SYT11: variants seen among roughly 807,000 people sequenced by gnomAD.
The protein encoded by SYT11 is synaptotagmin-11.
SYT11 carries 12 observed loss-of-function variants against 30.4 expected under a neutral mutation model. The ratio of observed to expected loss-of-function variants is 0.39; its 90% CI spans 0.25 to 0.64. The LOEUF is 0.64. Among genes scored for constraint, SYT11 ranks in the 30% least tolerant of loss-of-function variants. SYT11 has a pLI of 0.45. For synonymous variants in SYT11, 204 were observed against 216.0 expected, an observed-to-expected ratio of 0.94 and a Z score of 0.49; for missense variants, 412 against 552.0, an observed-to-expected ratio of 0.75 and a Z score of 2.54.
In SYT11 at chr1:155,868,149, G is replaced by C. The variant is rs1457648002; in HGVS notation, c.219G>C (p.Lys73Asn). ...SIYPETLSNK[K>N]KIIKVRRDKD... ...ACCCAGAGACCCTCAGCAACAAGAA[G>C]AAAATCATCAAAGTGCGGAGAGACA... The change falls in exon 2 of 4, where the codon AAG becomes AAC. Residue 73 changes from lysine (K) to asparagine (N), a missense_variant. Lys to Asn is a moderately conservative substitution (Grantham distance 94). Transcript: ENST00000368324. The surrounding 1 kb of genome is among the most constrained non-coding windows in gnomAD (Gnocchi z 4.7). The C allele has an allele frequency of 6.2e-7, 1 of 1,614,154 alleles. No individual in the cohort carries two copies. Among genetic ancestry groups the C allele is most frequent in the Admixed American group, 1.7e-5 (1 of 60,008 alleles).
At chr1:155,870,813 C>T (rs551808894) in intron 2 of SYT11, among the ~76,000 whole-genome samples, 190 of 152,288 alleles carry the variant, frequency 1.2e-3, no homozygotes, top group African/African-American at 4.4e-3. Context: ...GCACCTGTCC[C>T]CCTGCAGCCA....
rs1349909281 is a variant in SYT11 at position 155,880,485 on chromosome 1, A to AT, written c.862-9dup. 1.2e-6 allele frequency: 2 copies of AT among 1,613,034 alleles called. No homozygotes were observed. Among genetic ancestry groups the AT allele is most frequent in the South Asian group, 2.2e-5 (2 of 91,012 alleles). On this transcript the variant is annotated splice_polypyrimidine_tract_variant and intron_variant, in intron 2 of 3. Coordinates refer to ENST00000368324, the MANE Select transcript of SYT11 (RefSeq NM_152280.5). ...CCCTCTGCCAGGATTCTCACCTGCC[A>AT]TTTTTTCCTCACAGAAGTGCATCAG...
chr1:155,874,817 G>A (rs1672836019), intron 2 of SYT11, among the ~76,000 whole-genome samples: 1 of 148,336 alleles, frequency 6.7e-6, no homozygotes. Context: ...CTGAACCCGG[G>A]AGGCAGAGGT....
chr1:155,871,489 C>T (rs550155574), intron 2 of SYT11, among the ~76,000 whole-genome samples: 1 of 152,324 alleles, frequency 6.6e-6, no homozygotes, highest in East Asian at 1.9e-4. Context: ...TAGAACATGG[C>T]TCTGTGCCAA....
chr1:155,876,269 G>A (rs1300910650), intron 2 of SYT11, among the ~76,000 whole-genome samples: 3 of 120,368 alleles, frequency 2.5e-5, no homozygotes, highest in Non-Finnish European at 3.3e-5. Flanking sequence ...CTTTTGAGAC[G>A]GAGTCTCGCT....
intron 2 of SYT11, among the ~76,000 whole-genome samples, chr1:155,879,772 C>T (rs993743624): frequency 6.6e-5 from 10 of 152,234 alleles, no homozygotes; most frequent in African/African-American, 2.2e-4. Flanking sequence ...GGCACCATTG[C>T]AGTTTACAAA....
chr1:155,881,143 A>G (rs1672953172), intron 3 of SYT11, 55 bp from the exon 4 acceptor site: 7 of 1,544,918 alleles, frequency 4.5e-6, no homozygotes, highest in Admixed American at 3.8e-5. Flanking sequence ...ATTACATAGG[A>G]GAGGACTGTG....
chr1:155,869,232 C>T (rs1486240636), intron 2 of SYT11, among the ~76,000 whole-genome samples: 1 of 151,016 alleles, frequency 6.6e-6, no homozygotes, highest in Non-Finnish European at 1.5e-5. Context: ...CCAACCCTAA[C>T]CTAGGGGTGT....
chr1:155,875,593 G>C (rs1672847679), intron 2 of SYT11, among the ~76,000 whole-genome samples: 1 of 152,050 alleles, frequency 6.6e-6, no homozygotes, highest in African/African-American at 2.4e-5. Context: ...TTAGTAGACG[G>C]GGTTTTACCG....
Position 155,881,442 on chromosome 1 carries a change from C to T in SYT11, c.1230C>T (p.His410=). The change falls in exon 4 of 4, where the codon CAC becomes CAT. Residue 410 remains histidine, a synonymous_variant. Transcript: ENST00000368324. The stretch of plus-strand genomic sequence containing the variant: ...GTGTCACAGCCAGTGGTGCTGAACA[C>T]TGGAGAGAGGTCTGCGAGAGCCCCC... ...AHSVTASGAE[H]WREVCESPRK... 1 of 1,614,004 alleles carries T rather than the reference C, an allele frequency of 6.2e-7. No individual in the cohort carries two copies. The highest frequency in any genetic ancestry group is 8.5e-7 in the Non-Finnish European group (1 of 1,179,954).
chr1:155,880,760 T>TTCC lies in SYT11; in HGVS notation c.985+139_985+141dup, dbSNP rs1672947311. ...TGCTCCTCTTTCTGTAGACATTCTC[T>TTCC]TCCTGATGAGTATCTACGTCCAATA... is the stretch of plus-strand genomic sequence containing the variant. On this transcript the variant is annotated intron_variant, in intron 3 of 3. Coordinates refer to ENST00000368324, the MANE Select transcript of SYT11 (RefSeq NM_152280.5). 2.8e-6 allele frequency: 3 copies of TTCC among 1,067,610 alleles called. No individual in the cohort carries two copies. The East Asian group carries it at 7.3e-5, about 26-fold the overall frequency. 66.1% of individuals were successfully genotyped at this position (1,067,610 alleles called of 1,614,324 possible). A position where few individuals can be genotyped will look rare whatever the true frequency, so the allele number is the denominator to read the frequency against.
At chr1:155,875,188 G>A (rs1281004319) in intron 2 of SYT11, among the ~76,000 whole-genome samples, 3 of 145,586 alleles carry the variant, frequency 2.1e-5, no homozygotes, top group South Asian at 2.2e-4. Flanking sequence ...AGGAGGTGGA[G>A]GTTGCAGTAA....
At chr1:155,866,985 CACACACA>C (rs1672689503) in intron 1 of SYT11, among the ~76,000 whole-genome samples, 1 of 104,436 alleles carries the variant, frequency 9.6e-6, no homozygotes, top group African/African-American at 2.7e-5. Context: ...CACACACACA[CACACACA>C]TATATATATA....
intron 1 of SYT11, among the ~76,000 whole-genome samples, chr1:155,862,340 A>G (rs1258256737): frequency 6.6e-6 from 1 of 152,260 alleles, no homozygotes; most frequent in African/African-American, 2.4e-5. Context: ...GGACTAAAGC[A>G]AGACAGAGAG....
intron 1 of SYT11, among the ~76,000 whole-genome samples, chr1:155,865,415 G>A (rs1384896858): frequency 6.6e-6 from 1 of 151,980 alleles, no homozygotes; most frequent in Non-Finnish European, 1.5e-5. Context: ...ATCACTTGCG[G>A]TTAGGAGTTC....
intron 1 of SYT11, among the ~76,000 whole-genome samples, chr1:155,867,330 A>G (rs562607426): frequency 1.3e-5 from 2 of 152,314 alleles, no homozygotes; most frequent in African/African-American, 4.8e-5. Flanking sequence ...AAGTGCCGGG[A>G]TTACAGGTGT....
At position 155,868,100 on chromosome 1, in the gene SYT11, A is replaced by T; in HGVS notation, c.170A>T (p.His57Leu). The T allele has an allele frequency of 6.2e-7, 1 of 1,614,080 alleles. No individual in the cohort carries two copies. Among genetic ancestry groups the T allele is most frequent in the Non-Finnish European group, 8.5e-7 (1 of 1,180,002 alleles). Residue 57 changes from histidine to leucine, a missense_variant, in exon 2 of 4, where the codon CAC becomes CTC. Physicochemically the swap from His to Leu is moderately conservative, Grantham distance 99. Coordinates refer to ENST00000368324, the MANE Select transcript of SYT11 (RefSeq NM_152280.5). The surrounding 1 kb of genome is among the most constrained non-coding windows in gnomAD (Gnocchi z 4.7). The stretch of plus-strand genomic sequence containing the variant: ...AAGAACCCACCATACAAGTTTATTC[A>T]CATGCTCAAAGGCATCAGCATATAC... The part of the protein sequence containing the change: ...KQKNPPYKFI[H>L]MLKGISIYPE...
At chr1:155,859,972 T>C (rs1187311449) in intron 1 of SYT11, among the ~76,000 whole-genome samples, 177 bp downstream of exon 1, 10 of 152,174 alleles carry the variant, frequency 6.6e-5, no homozygotes, top group Non-Finnish European at 1.5e-4. Context: ...TGCATGAACT[T>C]GAGCTATGGG....
rs192445344 is a variant in SYT11 at position 155,860,701 on chromosome 1, C to T, written c.34+906C>T. On this transcript the variant is annotated intron_variant, in intron 1 of 3. Coordinates refer to ENST00000368324, the MANE Select transcript of SYT11 (RefSeq NM_152280.5). This position sits in a 1 kb window ranked among gnomAD's most constrained non-coding sequence, Gnocchi z 4.1. Reference sequence around the variant, plus strand: ...CATTTCAGAGCGGCTGGTCCCCGACCCAGCCCTGTGGGCTCCAAGATTAGT... The same window carrying T: ...CATTTCAGAGCGGCTGGTCCCCGACTCAGCCCTGTGGGCTCCAAGATTAGT... 6.6e-4 allele frequency among the ~76,000 whole-genome samples: 101 copies of T among 152,286 alleles called. No individual in the cohort carries two copies. Among genetic ancestry groups the T allele is most frequent in the Non-Finnish European group, 1.1e-3 (76 of 68,020 alleles).
Sources: gnomAD v4.1 joint callset for allele counts (sites outside exome capture counted in the v4.1 genomes callset) on GRCh38, gnomAD v4.1.1 for gene constraint, Gnocchi (gnomAD v3.1) non-coding constraint, MANE v1.5 for transcripts, NCBI Gene and HGNC (gene_info 2026-07-23, HGNC 2026-07-21) for gene names.